ADAM10: variants seen among roughly 807,000 people sequenced by gnomAD.
ADAM10 encodes the protein disintegrin and metalloproteinase domain-containing protein 10.
A neutral mutation model predicts 90.1 loss-of-function variants in ADAM10; 17 were observed. That is an observed-to-expected ratio of 0.19 (90% CI 0.13 to 0.28). The LOEUF (loss-of-function observed/expected upper bound fraction) is 0.28, where lower values mean the gene tolerates loss of function less well. Among genes scored for constraint, ADAM10 ranks in the 10% least tolerant of loss-of-function variants. The pLI, the probability that ADAM10 is intolerant of heterozygous loss-of-function variation, is 1.00. For missense variants in ADAM10, 610 were observed against 914.3 expected (o/e 0.67, Z 4.29); for synonymous variants, 310 against 298.6 (o/e 1.04, Z -0.40).
At chr15:58,705,819 G>A in intron 2 of ADAM10, among the ~76,000 whole-genome samples, 1 of 152,154 alleles carries the variant, frequency 6.6e-6, no homozygotes, top group East Asian at 1.9e-4. Context: ...GTGAGTACAG[G>A]ACAGTAACAT....
intron 2 of ADAM10, among the ~76,000 whole-genome samples, chr15:58,687,200 T>A (rs572350579): frequency 2.6e-5 from 4 of 152,216 alleles, no homozygotes; most frequent in Non-Finnish European, 5.9e-5. Context: ...TTAACACTAA[T>A]TATGGGAGCA....
chr15:58,731,374 T>A (rs1899231543), intron 1 of ADAM10, among the ~76,000 whole-genome samples: 1 of 152,054 alleles, frequency 6.6e-6, no homozygotes, highest in South Asian at 2.1e-4. Flanking sequence ...ATCCTAACAC[T>A]TTGGGGGGCC....
chr15:58,679,057 T>C (rs1897359045), intron 4 of ADAM10, 67 bp downstream of exon 4: 2 of 1,457,950 alleles, frequency 1.4e-6, no homozygotes, highest in African/African-American at 1.4e-5. Context: ...GCTTCATTTG[T>C]CTCCACACAG....
rs537221655 is a variant in ADAM10, at chr15:58,661,218, G to A, written c.585+3879C>T. Among the ~76,000 whole-genome samples, 50 of 152,116 alleles carry A rather than the reference G, an allele frequency of 3.3e-4. 1 individual carries two copies. The highest frequency in any genetic ancestry group is 1.2e-3 in the African/African-American group (48 of 41,516). ...AGGTTTTTTTAAATGAGAAAAAACT[G>A]CTTAATATTTATCTATATAGTTACT... On this transcript the variant is annotated intron_variant, in intron 5 of 15. Transcript: ENST00000260408.
chr15:58,706,222 G>C (rs1045920361), intron 2 of ADAM10, among the ~76,000 whole-genome samples: 1 of 152,182 alleles, frequency 6.6e-6, no homozygotes, highest in Non-Finnish European at 1.5e-5. Context: ...CCAATACAGA[G>C]AGGAAATTTG....
intron 1 of ADAM10, among the ~76,000 whole-genome samples, chr15:58,731,700 C>A (rs1160359344): frequency 6.6e-6 from 1 of 152,108 alleles, no homozygotes. Flanking sequence ...AACAAGCACC[C>A]TGAGGTGACC....
At position 58,597,449 on chromosome 15, in the gene ADAM10, G is replaced by T; in HGVS notation, c.*98C>A. ...GCCATTTTTTCTTCAACTGTTACTT[G>T]TGAGGGTTTAGTTTGGAGATGATGA... On this transcript the variant is annotated 3_prime_UTR_variant, in exon 16 of 16. Coordinates refer to ENST00000260408, the MANE Select transcript of ADAM10 (RefSeq NM_001110.4). The T allele has an allele frequency of 6.3e-7, 1 of 1,594,822 alleles. No individual in the cohort carries two copies. Among genetic ancestry groups the T allele is most frequent in the African/African-American group, 1.3e-5 (1 of 74,762 alleles).
At chr15:58,697,373 G>A (rs1453583081) in intron 2 of ADAM10, among the ~76,000 whole-genome samples, 1 of 151,968 alleles carries the variant, frequency 6.6e-6, no homozygotes, top group African/African-American at 2.4e-5. Context: ...ACTCCACTGG[G>A]GCCATGGGGA....
chr15:58,623,418 A>G (rs1169931105), intron 10 of ADAM10, among the ~76,000 whole-genome samples: 1 of 152,220 alleles, frequency 6.6e-6, no homozygotes, highest in African/African-American at 2.4e-5. Context: ...ATGAAAGCAG[A>G]AAGTTCATTC....
At chr15:58,648,793 C>T (rs1388375127) in intron 5 of ADAM10, among the ~76,000 whole-genome samples, 1 of 152,044 alleles carries the variant, frequency 6.6e-6, no homozygotes, top group Non-Finnish European at 1.5e-5. Context: ...GCTGCTATAA[C>T]ATAATGGAGA....
At chr15:58,679,480 A>G (rs1220629208) in intron 3 of ADAM10, among the ~76,000 whole-genome samples, 198 bp from the exon 4 acceptor site, 1 of 152,202 alleles carries the variant, frequency 6.6e-6, no homozygotes, top group East Asian at 1.9e-4. Flanking sequence ...AGATGTGAAC[A>G]GCAACTAGTA....
At chr15:58,713,249 G>C (rs568008660) in intron 2 of ADAM10, among the ~76,000 whole-genome samples, 62 of 152,116 alleles carry the variant, frequency 4.1e-4, no homozygotes, top group African/African-American at 1.4e-3. Context: ...CTATAGGCAT[G>C]CACCACCACA....
chr15:58,748,291 AAAC>A (rs1229787094), intron 1 of ADAM10: 3 of 152,258 alleles, frequency 2.0e-5, no homozygotes. Flanking sequence ...AAAAAAACAG[AAAC>A]AATACATTAC....
intron 8 of ADAM10, among the ~76,000 whole-genome samples, chr15:58,638,487 C>A (rs892587240): frequency 5.9e-5 from 9 of 151,558 alleles, no homozygotes; most frequent in Non-Finnish European, 8.8e-5. Flanking sequence ...TGGTGGCGGG[C>A]GCCTGTAGAC....
chr15:58,655,339 G>A (rs1322855404), intron 5 of ADAM10: 1 of 154,180 alleles, frequency 6.5e-6, no homozygotes, highest in Non-Finnish European at 1.5e-5. Flanking sequence ...AGAGGTCTCA[G>A]GAAGCTTATA....
rs182116979 is a variant in ADAM10 at position 58,686,294 on chromosome 15, C to A, written c.207-3980G>T. 94 of 587,680 alleles carry A rather than the reference C, an allele frequency of 1.6e-4. No homozygotes were observed. In the East Asian group the frequency reaches 2.2e-3, roughly 14 times the overall value. The allele number at this position is 587,680 out of a possible 1,614,324, so 36.4% of individuals were successfully genotyped here. ...CTTTGTTGTCATTTAATAGAGAACC[C>A]AGAAAAGCCACTCCTTGGAAATAGG... On this transcript the variant is annotated intron_variant, in intron 2 of 15. Transcript: ENST00000260408.
chr15:58,738,578 C>A (rs561913391), intron 1 of ADAM10, among the ~76,000 whole-genome samples: 2 of 152,196 alleles, frequency 1.3e-5, no homozygotes, highest in African/African-American at 4.8e-5. Context: ...TTCAACATAC[C>A]CACTTTTTGA....
chr15:58,696,880 G>C (rs79651675), intron 2 of ADAM10, among the ~76,000 whole-genome samples: 3,809 of 152,222 alleles, frequency 0.025, 69 homozygotes, highest in Non-Finnish European at 0.04. Flanking sequence ...TAAGCAGCTA[G>C]AGCACAGCAC....
chr15:58,597,646 G>T lies in ADAM10; in HGVS notation c.2153-5C>A, dbSNP rs199894972. The T allele has an allele frequency of 6.2e-7, 1 of 1,613,822 alleles. No individual in the cohort carries two copies. The highest frequency in any genetic ancestry group is 2.2e-5 in the East Asian group (1 of 44,886). On this transcript the variant is annotated splice_polypyrimidine_tract_variant and splice_region_variant and intron_variant, in intron 15 of 15. Coordinates refer to ENST00000260408, the MANE Select transcript of ADAM10 (RefSeq NM_001110.4). ...GTCTCCTCCTCTTTAAAGTGCCTGT[G>T]AGCCACAAATAAAAGCAAAGCAGAT... is the stretch of plus-strand genomic sequence containing the variant.
Sources: allele counts gnomAD v4.1 joint callset (sites outside exome capture counted in the v4.1 genomes callset), GRCh38; gene constraint gnomAD v4.1.1; transcripts MANE v1.5; gene names NCBI Gene and HGNC (gene_info 2026-07-23, HGNC 2026-07-21).